Variants in PNPLA7 observed in about 807,000 individuals in gnomAD.
The protein encoded by PNPLA7 is patatin-like phospholipase domain-containing protein 7.
PNPLA7 carries 153 observed loss-of-function variants against 161.7 expected under a neutral mutation model. The observed-to-expected ratio is 0.95, with a 90% confidence interval of 0.83 to 1.08. PNPLA7 has a LOEUF of 1.08. PNPLA7 is among the 50% of genes least tolerant of loss of function. The pLI is 0.00. For synonymous variants in PNPLA7, 809 were observed against 782.1 expected, an observed-to-expected ratio of 1.03 and a Z score of -0.57; for missense variants, 1,739 against 1,856.6, an observed-to-expected ratio of 0.94 and a Z score of 1.16.
intron 21 of PNPLA7, among the ~76,000 whole-genome samples, chr9:137,482,177 G>T (rs889318249): frequency 6.6e-6 from 1 of 152,210 alleles, no homozygotes; most frequent in Non-Finnish European, 1.5e-5. Flanking sequence ...CAGCTTGGTG[G>T]TTTCTTCTAC....
chr9:137,509,445 T>C lies in PNPLA7; in HGVS notation c.1226-3362A>G, dbSNP rs546371418. On this transcript the variant is annotated intron_variant, in intron 12 of 34. Coordinates refer to ENST00000406427, the MANE Select transcript of PNPLA7 (RefSeq NM_001098537.3). ...CTGGCATGAGTGAGTTTAGCTGGTA[T>C]GAATGAGTTTAGCTGGTACGAATGA... is the stretch of plus-strand genomic sequence containing the variant. 444 of 206,042 alleles carry C rather than the reference T, an allele frequency of 2.2e-3. 3 individuals carry two copies. Among genetic ancestry groups the C allele is most frequent in the African/African-American group, 9.9e-3 (409 of 41,466 alleles). 12.8% of individuals were successfully genotyped at this position (206,042 alleles called of 1,614,324 possible).
chr9:137,479,804 GGGAAC>G, intron 23 of PNPLA7: 2 of 985,464 alleles, frequency 2.0e-6, no homozygotes, highest in Non-Finnish European at 2.4e-6. Context: ...GCTGCCATCT[GGGAAC>G]CTGCAGACAC....
At chr9:137,532,381 G>A (rs372635358) in intron 8 of PNPLA7, among the ~76,000 whole-genome samples, 1 of 152,306 alleles carries the variant, frequency 6.6e-6, no homozygotes, top group African/African-American at 2.4e-5. Context: ...AGGTTGCAGT[G>A]AGCCAAGATC....
Position 137,508,559 on chromosome 9 carries a change from C to T in PNPLA7, c.1226-2476G>A, listed in dbSNP as rs139524924. 2.0e-4 allele frequency among the ~76,000 whole-genome samples: 30 copies of T among 151,282 alleles called. 1 individual carries two copies. The highest frequency in any genetic ancestry group is 1.6e-3 in the Admixed American group (25 of 15,198). On this transcript the variant is annotated intron_variant, in intron 12 of 34. Transcript: ENST00000406427. ...TCCAGCCTGGGCAACAAGAGCGAGA[C>T]TCTGTCTCAAAAAAAAAAGAAAAGG...
intron 8 of PNPLA7, among the ~76,000 whole-genome samples, chr9:137,530,003 T>G (rs1169913669): frequency 1.4e-5 from 2 of 142,666 alleles, no homozygotes; most frequent in Non-Finnish European, 3.0e-5. Context: ...CTTGCTCTGT[T>G]TCCCAGGCTG....
chr9:137,489,728 A>AT, intron 20 of PNPLA7, among the ~76,000 whole-genome samples: 1 of 152,256 alleles, frequency 6.6e-6, no homozygotes, highest in South Asian at 2.1e-4. Context: ...AAACTCTCTG[A>AT]TAGGCCTCAA....
At chr9:137,480,067 G>A (rs1012098010) in intron 23 of PNPLA7, among the ~76,000 whole-genome samples, 29 of 152,234 alleles carry the variant, frequency 1.9e-4, no homozygotes, top group Non-Finnish European at 3.7e-4. Flanking sequence ...GTAAAAGTGC[G>A]AAAGGCGGCC....
intron 8 of PNPLA7, among the ~76,000 whole-genome samples, chr9:137,528,446 T>A (rs1029477195): frequency 1.8e-4 from 27 of 151,490 alleles, no homozygotes; most frequent in African/African-American, 5.3e-4. Context: ...GATTTCCAGA[T>A]AATTTTTGTA....
At chr9:137,483,102 C>T (rs536796409) in intron 21 of PNPLA7, among the ~76,000 whole-genome samples, 8 of 152,264 alleles carry the variant, frequency 5.3e-5, no homozygotes, top group Non-Finnish European at 1.0e-4. Context: ...GAACTCCTGA[C>T]CTCAAGTGAT....
intron 19 of PNPLA7, among the ~76,000 whole-genome samples, chr9:137,494,114 C>A (rs1479387724): frequency 2.0e-5 from 3 of 152,200 alleles, no homozygotes; most frequent in Non-Finnish European, 4.4e-5. Context: ...CCTGCACCCC[C>A]TTTCCATTTG....
At chr9:137,472,278 G>C (rs989695806) in intron 25 of PNPLA7, among the ~76,000 whole-genome samples, 8 of 151,858 alleles carry the variant, frequency 5.3e-5, no homozygotes, top group Non-Finnish European at 7.4e-5. Flanking sequence ...CCTGAGACTG[G>C]GTTATTTATA....
chr9:137,506,338 G>A (rs1317451407), intron 12 of PNPLA7, among the ~76,000 whole-genome samples: 1 of 152,206 alleles, frequency 6.6e-6, no homozygotes, highest in Non-Finnish European at 1.5e-5. Flanking sequence ...CACTGATAAA[G>A]GTAGCCCGGT....
At chr9:137,530,256 C>A (rs1835521291) in intron 8 of PNPLA7, among the ~76,000 whole-genome samples, 1 of 152,254 alleles carries the variant, frequency 6.6e-6, no homozygotes, top group Non-Finnish European at 1.5e-5. Flanking sequence ...TGAGCCACCG[C>A]ACCTGGCCTT....
Position 137,547,446 on chromosome 9 carries a change from C to T in PNPLA7, c.106-50G>A. 1.2e-6 allele frequency: 2 copies of T among 1,607,188 alleles called. No homozygotes were observed. Among genetic ancestry groups the T allele is most frequent in the East Asian group, 2.2e-5 (1 of 44,852 alleles). ...CCCATCAGCAAAGCCACAAACCTAA[C>T]CCTAGCCCTAAGCCTGCCCCCACCC... On this transcript the variant is annotated intron_variant, in intron 2 of 34. Coordinates refer to ENST00000406427, the MANE Select transcript of PNPLA7 (RefSeq NM_001098537.3). This position sits in a 1 kb window ranked among gnomAD's most constrained non-coding sequence, Gnocchi z 4.6.
intron 9 of PNPLA7, 101 bp from the exon 10 acceptor site, chr9:137,521,817 G>A (rs1041158296): frequency 4.0e-5 from 39 of 974,658 alleles, no homozygotes; most frequent in Non-Finnish European, 5.6e-5. Flanking sequence ...CCCAAACCCT[G>A]CAGATGCCAC....
chr9:137,483,163 C>T (rs1419558300), intron 21 of PNPLA7, among the ~76,000 whole-genome samples: 4 of 152,194 alleles, frequency 2.6e-5, no homozygotes, highest in African/African-American at 4.8e-5. Context: ...TGAGCCACCA[C>T]GCCTGGCTTA....
chr9:137,491,548 G>T (rs992158817), intron 20 of PNPLA7: 2 of 985,306 alleles, frequency 2.0e-6, no homozygotes. Context: ...CACAGTGCAG[G>T]TAAGTGGAGA....
At position 137,480,597 on chromosome 9, in the gene PNPLA7, T is replaced by C. The variant is rs1044624475; in HGVS notation, c.2412-117A>G. 5 of 1,155,906 alleles carry C rather than the reference T, an allele frequency of 4.3e-6. No homozygotes were observed. In the African/African-American group the frequency reaches 7.8e-5, roughly 18 times the overall value. 71.6% of individuals were successfully genotyped at this position (1,155,906 alleles called of 1,614,324 possible). A position where few individuals can be genotyped will look rare whatever the true frequency, so the allele number is the denominator to read the frequency against. The stretch of plus-strand genomic sequence containing the variant: ...ACCAGCCGCTGCCCCTTCCCCTCCC[T>C]GCCCAGCACTTCCTGCCATCGCTAG... On this transcript the variant is annotated intron_variant, in intron 22 of 34. Transcript: ENST00000406427.
At chr9:137,506,178 CAG>C in intron 12 of PNPLA7, 95 bp from the exon 13 acceptor site, 1 of 968,624 alleles carries the variant, frequency 1.0e-6, no homozygotes, top group East Asian at 2.6e-5. Context: ...TCTAACCACA[CAG>C]ACCCCGGCAG....
Sources: allele counts gnomAD v4.1 joint callset (sites outside exome capture counted in the v4.1 genomes callset), GRCh38; gene constraint gnomAD v4.1.1; non-coding constraint Gnocchi (gnomAD v3.1); transcripts MANE v1.5; gene names NCBI Gene and HGNC (gene_info 2026-07-23, HGNC 2026-07-21).